The following ALCAM variants were observed in gnomAD, a reference collection of about 807,000 sequenced individuals.
ALCAM encodes CD166 antigen.
A neutral mutation model predicts 70.9 loss-of-function variants in ALCAM; 30 were observed. The ratio of observed to expected loss-of-function variants is 0.42; its 90% confidence interval spans 0.32 to 0.57. The LOEUF is 0.57. Ranked by LOEUF, ALCAM falls within the 20% of genes least tolerant of loss-of-function variation. The pLI is 0.11. For synonymous variants in ALCAM, 249 were observed against 242.5 expected, an observed-to-expected ratio of 1.03 and a Z score of -0.25; for missense variants, 591 against 695.1, an observed-to-expected ratio of 0.85 and a Z score of 1.68.
At chr3:105,543,487 T>A (rs1940172584) in intron 8 of ALCAM, among the ~76,000 whole-genome samples, 1 of 151,718 alleles carries the variant, frequency 6.6e-6, no homozygotes, top group South Asian at 2.1e-4. Context: ...TTTACCCACT[T>A]ATCTTTGATT....
chr3:105,391,553 T>C (rs1469165015), intron 1 of ALCAM, among the ~76,000 whole-genome samples: 1 of 152,110 alleles, frequency 6.6e-6, no homozygotes, highest in Non-Finnish European at 1.5e-5. Flanking sequence ...TTTTACTTCC[T>C]CTCTTCCTAT....
rs542077899 is a variant in ALCAM at position 105,575,295 on chromosome 3, T to G, written c.*844T>G. The stretch of plus-strand genomic sequence containing the variant: ...TGGTCAACATTCCCATTTTCATAGA[T>G]CACAATGTAAATCACTATAATTACA... On this transcript the variant is annotated 3_prime_UTR_variant, in exon 16 of 16. Transcript: ENST00000306107. 18 of 152,712 alleles carry G rather than the reference T, an allele frequency of 1.2e-4. No homozygotes were observed. The South Asian group carries it at 3.7e-3, about 32-fold the overall frequency. The allele number at this position is 152,712 out of a possible 1,614,324, so 9.5% of individuals were successfully genotyped here.
chr3:105,374,213 C>G (rs756783119), intron 1 of ALCAM, among the ~76,000 whole-genome samples: 3 of 152,074 alleles, frequency 2.0e-5, no homozygotes, highest in Non-Finnish European at 4.4e-5. Flanking sequence ...TGCCCAGTCT[C>G]CTTAGCAGGT....
At chr3:105,556,944 A>T (rs1240966358) in intron 14 of ALCAM, among the ~76,000 whole-genome samples, 1 of 151,930 alleles carries the variant, frequency 6.6e-6, no homozygotes, top group Non-Finnish European at 1.5e-5. Context: ...CAACAATTTA[A>T]TGAGGTACAT....
chr3:105,430,025 A>G (rs1036417299), intron 1 of ALCAM, among the ~76,000 whole-genome samples: 1 of 152,022 alleles, frequency 6.6e-6, no homozygotes, highest in Non-Finnish European at 1.5e-5. Flanking sequence ...TTTTAAATCT[A>G]TGCAGTAGAG....
intron 1 of ALCAM, among the ~76,000 whole-genome samples, chr3:105,511,413 C>G (rs1356405064): frequency 6.6e-6 from 1 of 152,044 alleles, no homozygotes; most frequent in Non-Finnish European, 1.5e-5. Flanking sequence ...TTATCTTGGA[C>G]AAACATTCCA....
chr3:105,382,969 C>T (rs1300852137), intron 1 of ALCAM, among the ~76,000 whole-genome samples: 1 of 151,698 alleles, frequency 6.6e-6, no homozygotes, highest in Non-Finnish European at 1.5e-5. Flanking sequence ...TTTCTCAGAA[C>T]AATTTTTCTT....
chr3:105,374,291 C>T (rs1935319012), intron 1 of ALCAM, among the ~76,000 whole-genome samples: 1 of 152,064 alleles, frequency 6.6e-6, no homozygotes, highest in Non-Finnish European at 1.5e-5. Flanking sequence ...CTCAGTGGCT[C>T]ATACCTATAA....
chr3:105,452,822 A>C (rs1050325139), intron 1 of ALCAM, among the ~76,000 whole-genome samples: 2 of 152,200 alleles, frequency 1.3e-5, no homozygotes, highest in African/African-American at 4.8e-5. Flanking sequence ...TCTAATGACA[A>C]GTGATGATGA....
chr3:105,420,374 A>G (rs956619566), intron 1 of ALCAM, among the ~76,000 whole-genome samples: 6 of 151,736 alleles, frequency 4.0e-5, no homozygotes, highest in African/African-American at 1.4e-4. Flanking sequence ...TTTAAAGAAA[A>G]TGACAGGTTC....
At chr3:105,527,493 G>T (rs1023485865) in intron 3 of ALCAM, among the ~76,000 whole-genome samples, 4 of 152,040 alleles carry the variant, frequency 2.6e-5, no homozygotes, top group Non-Finnish European at 5.9e-5. Flanking sequence ...TCTTGTTCAT[G>T]AGTTAATGAA....
At chr3:105,504,958 A>G (rs1021000434) in intron 1 of ALCAM, among the ~76,000 whole-genome samples, 11 of 152,116 alleles carry the variant, frequency 7.2e-5, no homozygotes, top group East Asian at 1.9e-4. Context: ...ATTGTCCTCA[A>G]TTTTACAGCT....
chr3:105,512,527 T>C (rs1353827303), intron 1 of ALCAM, among the ~76,000 whole-genome samples: 1 of 151,916 alleles, frequency 6.6e-6, no homozygotes, highest in African/African-American at 2.4e-5. Flanking sequence ...GCTCAGAAAA[T>C]GTACAGAGCA....
intron 1 of ALCAM, among the ~76,000 whole-genome samples, chr3:105,476,737 T>C (rs925287691): frequency 2.6e-5 from 4 of 152,106 alleles, no homozygotes; most frequent in Non-Finnish European, 4.4e-5. Flanking sequence ...TTGTTCACCT[T>C]TGTTCTTTCG....
At chr3:105,395,280 A>G (rs939457774) in intron 1 of ALCAM, among the ~76,000 whole-genome samples, 1 of 151,974 alleles carries the variant, frequency 6.6e-6, no homozygotes, top group Non-Finnish European at 1.5e-5. Flanking sequence ...ACAATCTTCA[A>G]TGCAACTTTT....
intron 14 of ALCAM, among the ~76,000 whole-genome samples, chr3:105,558,480 T>C (rs1940564063): frequency 6.6e-6 from 1 of 152,060 alleles, no homozygotes; most frequent in South Asian, 2.1e-4. Context: ...ACCACTGTCA[T>C]CCCCTTCACT....
intron 1 of ALCAM, among the ~76,000 whole-genome samples, chr3:105,460,331 G>C (rs1396477471): frequency 1.3e-5 from 2 of 152,138 alleles, no homozygotes; most frequent in Admixed American, 1.3e-4. Flanking sequence ...TTCTAATAGA[G>C]AAAGTCAACT....
intron 4 of ALCAM, among the ~76,000 whole-genome samples, 187 bp downstream of exon 4, chr3:105,532,253 G>A (rs933587874): frequency 2.0e-5 from 3 of 152,082 alleles, no homozygotes; most frequent in Non-Finnish European, 4.4e-5. Context: ...GTAACCATGA[G>A]GACATCAAGG....
At chr3:105,552,620 G>T in intron 14 of ALCAM, 35 bp downstream of exon 14, 1 of 1,610,010 alleles carries the variant, frequency 6.2e-7, no homozygotes, top group South Asian at 1.1e-5. Context: ...ATCGTTCATT[G>T]ACTTTCACTG....
Sources: allele counts gnomAD v4.1 joint callset (sites outside exome capture counted in the v4.1 genomes callset), GRCh38; gene constraint gnomAD v4.1.1; transcripts MANE v1.5; gene names NCBI Gene and HGNC (gene_info 2026-07-23, HGNC 2026-07-21).